The following PRDM16 variants were observed in gnomAD, a reference collection of about 807,000 sequenced individuals.
PRDM16 encodes PR/SET domain 16, also known as histone-lysine N-methyltransferase PRDM16.
Under a neutral mutation model 110.6 loss-of-function variants are expected in PRDM16, and 23 were observed. The observed-to-expected ratio is 0.21, with a 90% CI of 0.15 to 0.29. The LOEUF is 0.29. PRDM16 is among the 10% of genes least tolerant of loss of function. The pLI is 1.00. For missense variants in PRDM16, 1,615 were observed against 1,794.3 expected, an observed-to-expected ratio of 0.90 and a Z score of 1.81; for synonymous variants, 799 against 781.8, an observed-to-expected ratio of 1.02 and a Z score of -0.37.
In PRDM16 at chr1:3,245,800, A is replaced by G. The variant is rs908142900; in HGVS notation, c.438+1663A>G. Among the ~76,000 whole-genome samples, 1 of 152,214 alleles carries G rather than the reference A, an allele frequency of 6.6e-6. No individual in the cohort carries two copies. The highest frequency in any genetic ancestry group is 1.5e-5 in the Non-Finnish European group (1 of 68,050). The stretch of plus-strand genomic sequence containing the variant: ...GCGCTGCTGTATTTCCGAGAACTGC[A>G]GTATTTTCACTTCCCACAAAAAGTG... On this transcript the variant is annotated intron_variant, in intron 3 of 16. Transcript: ENST00000270722. This position sits in a 1 kb window ranked among gnomAD's most constrained non-coding sequence, Gnocchi z 4.7.
chr1:3,165,139 C>G (rs1013115841), intron 1 of PRDM16, among the ~76,000 whole-genome samples: 1 of 152,242 alleles, frequency 6.6e-6, no homozygotes, highest in African/African-American at 2.4e-5. Flanking sequence ...AGGCAGTCTT[C>G]TGGTGTGAGC....
At position 3,432,007 on chromosome 1, in the gene PRDM16, C is replaced by T. The variant is rs572604983; in HGVS notation, c.3563C>T (p.Pro1188Leu). 1.2e-5 allele frequency: 20 copies of T among 1,614,018 alleles called. No homozygotes were observed. The South Asian group carries it at 1.4e-4, about 12-fold the overall frequency. ...DHEGGLLALE[P>L]MPTFGKGLDL... ...GAAGGCGGTCTGTTAGCTTTGGAGC[C>T]GATGCCGACTTTTGGGAAGGGGCTG... Residue 1188 changes from proline (P) to leucine (L), a missense_variant, in exon 16 of 17, where the codon CCG becomes CTG. Pro to Leu is a moderately conservative substitution (Grantham distance 98, BLOSUM62 -3). Transcript: ENST00000270722.
At chr1:3,259,176 A>G (rs1219009101) in intron 3 of PRDM16, among the ~76,000 whole-genome samples, 2 of 152,226 alleles carry the variant, frequency 1.3e-5, no homozygotes, top group African/African-American at 4.8e-5. Flanking sequence ...ACAGCCCTTC[A>G]GTAGTTCACA....
intron 1 of PRDM16, among the ~76,000 whole-genome samples, chr1:3,139,388 G>T (rs964293291): frequency 6.6e-6 from 1 of 152,234 alleles, no homozygotes; most frequent in Non-Finnish European, 1.5e-5. Context: ...GCTTAATAAC[G>T]AATCACGTGC....
chr1:3,154,281 G>C lies in PRDM16; in HGVS notation c.38-31844G>C, dbSNP rs367552612. Among the ~76,000 whole-genome samples the C allele has an allele frequency of 4.6e-5, 7 of 152,188 alleles. 1 individual carries two copies. The East Asian group carries it at 5.8e-4, about 13-fold the overall frequency. On this transcript the variant is annotated intron_variant, in intron 1 of 16. Transcript: ENST00000270722. ...ACGGGCTGGCGCACTCTCCCTGGGC[G>C]GCGTGGTGGGGGGGCAGGGGGACGC...
intron 12 of PRDM16, among the ~76,000 whole-genome samples, chr1:3,420,569 C>A (rs1208140999): frequency 6.6e-6 from 1 of 152,210 alleles, no homozygotes; most frequent in Non-Finnish European, 1.5e-5. Flanking sequence ...CGTTTAAGTC[C>A]TTGCCTCAGA....
chr1:3,281,452 A>G (rs1640709895), intron 3 of PRDM16, among the ~76,000 whole-genome samples: 1 of 152,254 alleles, frequency 6.6e-6, no homozygotes. Context: ...AATCTCCTTG[A>G]GAGAAGCAGC....
At chr1:3,407,158 G>A (rs953866656) in intron 8 of PRDM16, among the ~76,000 whole-genome samples, 1 of 152,224 alleles carries the variant, frequency 6.6e-6, no homozygotes, top group African/African-American at 2.4e-5. Context: ...TCTTGCTGAT[G>A]TGGGACCACT....
intron 3 of PRDM16, among the ~76,000 whole-genome samples, chr1:3,366,934 T>C (rs954645645): frequency 6.6e-6 from 1 of 152,168 alleles, no homozygotes; most frequent in African/African-American, 2.4e-5. Flanking sequence ...CGTGTTTTGT[T>C]TTGCTAGGCT....
At chr1:3,140,224 A>G (rs577822060) in intron 1 of PRDM16, among the ~76,000 whole-genome samples, 3 of 152,300 alleles carry the variant, frequency 2.0e-5, no homozygotes, top group South Asian at 2.1e-4. Context: ...TTGTTTAGGA[A>G]CCTGGTTTTT....
chr1:3,415,528 G>A (rs957287512), intron 10 of PRDM16, among the ~76,000 whole-genome samples: 10 of 152,282 alleles, frequency 6.6e-5, no homozygotes, highest in Non-Finnish European at 1.3e-4. Context: ...CCGGGGCCGT[G>A]GAGTTTGGTT....
At chr1:3,329,238 G>A (rs998505196) in intron 3 of PRDM16, among the ~76,000 whole-genome samples, 11 of 152,224 alleles carry the variant, frequency 7.2e-5, no homozygotes, top group East Asian at 3.9e-4. Flanking sequence ...GGTGGTGTTC[G>A]TGGTGGCGTT....
intron 1 of PRDM16, among the ~76,000 whole-genome samples, chr1:3,092,035 G>A (rs1327853189): frequency 6.6e-6 from 1 of 152,234 alleles, no homozygotes; most frequent in Non-Finnish European, 1.5e-5. Context: ...CCATGTAGAG[G>A]ATAAGATGGA....
At chr1:3,185,053 C>T (rs1644252373) in intron 1 of PRDM16, among the ~76,000 whole-genome samples, 1 of 152,204 alleles carries the variant, frequency 6.6e-6, no homozygotes, top group Non-Finnish European at 1.5e-5. Flanking sequence ...TGGGCTGTTT[C>T]TGCCTTCTGG....
In PRDM16 at chr1:3,208,825, AC is replaced by A. The variant is rs1439545030; in HGVS notation, c.387+22356del. On this transcript the variant is annotated intron_variant, in intron 2 of 16. Transcript: ENST00000270722. This position sits in a 1 kb window ranked among gnomAD's most constrained non-coding sequence, Gnocchi z 6.1. ...GGGTTTGTCCTTTGGAACCATCTCC[AC>A]CCCCTGAAGCCATCTCCTCTTGCTC... Among the ~76,000 whole-genome samples, 1 of 151,960 alleles carries A rather than the reference AC, an allele frequency of 6.6e-6. No individual in the cohort carries two copies. The highest frequency in any genetic ancestry group is 2.4e-5 in the African/African-American group (1 of 41,338).
chr1:3,170,609 C>T (rs1644014757), intron 1 of PRDM16, among the ~76,000 whole-genome samples: 1 of 152,124 alleles, frequency 6.6e-6, no homozygotes, highest in Non-Finnish European at 1.5e-5. Context: ...AGGCCTCAGC[C>T]TCCGCAGCTC....
At chr1:3,305,624 A>G (rs1178325759) in intron 3 of PRDM16, among the ~76,000 whole-genome samples, 1 of 152,210 alleles carries the variant, frequency 6.6e-6, no homozygotes, top group African/African-American at 2.4e-5. Flanking sequence ...AACATAGCTG[A>G]ATGCTTCAGC....
chr1:3,366,708 G>T (rs1211470019), intron 3 of PRDM16, among the ~76,000 whole-genome samples: 1 of 152,176 alleles, frequency 6.6e-6, no homozygotes, highest in African/African-American at 2.4e-5. Context: ...ACTGAGGTCG[G>T]AGCAGAAAAA....
intron 2 of PRDM16, among the ~76,000 whole-genome samples, chr1:3,241,546 A>G (rs1639674812): frequency 1.3e-5 from 2 of 152,284 alleles, no homozygotes; most frequent in Middle Eastern, 6.8e-3. Context: ...TAACGCCTTC[A>G]ACTATTGGGG....
Sources: allele counts gnomAD v4.1 joint callset (sites outside exome capture counted in the v4.1 genomes callset), GRCh38; gene constraint gnomAD v4.1.1; non-coding constraint Gnocchi (gnomAD v3.1); transcripts MANE v1.5; gene names NCBI Gene and HGNC (gene_info 2026-07-23, HGNC 2026-07-21).